The following VAT1L variants were observed in gnomAD, a reference collection of about 807,000 sequenced individuals.
The protein encoded by VAT1L is vesicle amine transport 1 like.
A neutral mutation model predicts 44.1 loss-of-function variants in VAT1L; 34 were observed. The ratio of observed to expected loss-of-function variants is 0.77; its 90% CI spans 0.59 to 1.03. The LOEUF is 1.03. VAT1L is among the 50% of genes least tolerant of loss of function. The pLI is 0.00. For missense variants in VAT1L, 615 were observed against 538.8 expected, an observed-to-expected ratio of 1.14 and a Z score of -1.40; for synonymous variants, 253 against 202.2, an observed-to-expected ratio of 1.25 and a Z score of -2.13.
At chr16:77,789,815 A>T (rs1190021919) in intron 1 of VAT1L, among the ~76,000 whole-genome samples, 1 of 152,158 alleles carries the variant, frequency 6.6e-6, no homozygotes, top group Non-Finnish European at 1.5e-5. Context: ...CCTCACGCTC[A>T]GCTGAAATTC....
intron 7 of VAT1L, among the ~76,000 whole-genome samples, chr16:77,913,937 T>C (rs2017524537): frequency 6.6e-6 from 1 of 152,188 alleles, no homozygotes; most frequent in African/African-American, 2.4e-5. Flanking sequence ...GAGGCTCTTA[T>C]TCAGCAACAA....
At chr16:77,905,894 G>A (rs1173327515) in intron 7 of VAT1L, among the ~76,000 whole-genome samples, 1 of 152,084 alleles carries the variant, frequency 6.6e-6, no homozygotes, top group Admixed American at 6.5e-5. Context: ...AGATCTAGGA[G>A]GTTTACGCTT....
chr16:77,910,418 A>G (rs1402861285), intron 7 of VAT1L, among the ~76,000 whole-genome samples: 2 of 152,168 alleles, frequency 1.3e-5, no homozygotes, highest in African/African-American at 4.8e-5. Context: ...CATGCCTGTA[A>G]TCCCAGCACT....
In VAT1L at chr16:77,884,664, C is replaced by T. The variant is rs200017287; in HGVS notation, c.939C>T (p.Ile313=). 29 of 1,613,378 alleles carry T rather than the reference C, an allele frequency of 1.8e-5. No homozygotes were observed. Among genetic ancestry groups the T allele is most frequent in the Admixed American group, 8.3e-5 (5 of 59,948 alleles). The change falls in exon 7 of 9, where the codon ATC becomes ATT. Residue 313 remains isoleucine (I), a synonymous_variant. Coordinates refer to ENST00000302536, the MANE Select transcript of VAT1L (RefSeq NM_020927.3). This position sits in a 1 kb window ranked among gnomAD's most constrained non-coding sequence, Gnocchi z 4.5. ...AGCTGTATGAGGAGAACAAAGTCAT[C>T]GCGGGGTTTTCCCTTTTAAATCTGC... ...PIKLYEENKV[I]AGFSLLNLLF... is the part of the protein sequence containing the mutation.
chr16:77,813,156 TTTTTA>T (rs2016294219), intron 1 of VAT1L, among the ~76,000 whole-genome samples: 3 of 151,938 alleles, frequency 2.0e-5, no homozygotes, highest in African/African-American at 4.8e-5. Flanking sequence ...TGCCCCTGTT[TTTTTA>T]TTTTATTTTA....
intron 1 of VAT1L, among the ~76,000 whole-genome samples, chr16:77,805,917 C>G (rs888856329): frequency 7.9e-6 from 1 of 125,968 alleles, no homozygotes; most frequent in African/African-American, 2.8e-5. Flanking sequence ...GGCTGGAGAG[C>G]AATGGTGAGA....
chr16:77,844,472 T>C (rs767630023), intron 3 of VAT1L, among the ~76,000 whole-genome samples: 2 of 152,094 alleles, frequency 1.3e-5, no homozygotes, highest in Admixed American at 1.3e-4. Context: ...GCAGTGGCGC[T>C]ATCTCAGCTC....
Position 77,823,900 on chromosome 16 carries a change from G to A in VAT1L, c.364-1346G>A, listed in dbSNP as rs1179997115. Reference sequence around the variant, plus strand: ...TAACCAGGCATTGTGATGTGTGCCTGTAATCCGAGCTACTTGGGAGGCTGA... The same window carrying A: ...TAACCAGGCATTGTGATGTGTGCCTATAATCCGAGCTACTTGGGAGGCTGA... On this transcript the variant is annotated intron_variant, in intron 2 of 8. Transcript: ENST00000302536. Among the ~76,000 whole-genome samples, 3 of 152,180 alleles carry A rather than the reference G, an allele frequency of 2.0e-5. No homozygotes were observed. In the East Asian group the frequency reaches 5.8e-4, roughly 29 times the overall value.
chr16:77,938,216 T>G (rs2017827725), intron 7 of VAT1L, among the ~76,000 whole-genome samples: 1 of 152,192 alleles, frequency 6.6e-6, no homozygotes, highest in Non-Finnish European at 1.5e-5. Context: ...ACAGATGAAC[T>G]GGAAACCACT....
chr16:77,945,278 C>CTTTTTTTTTT (rs56055464), intron 7 of VAT1L, among the ~76,000 whole-genome samples: 37,224 of 82,092 alleles, frequency 0.45, 11,728 homozygotes, highest in Middle Eastern at 0.64. Context: ...GATTGCAGAA[C>CTTTTTTTTTT]TTTTTTTTTT....
intron 6 of VAT1L, among the ~76,000 whole-genome samples, chr16:77,880,352 G>T (rs368759145): frequency 1.3e-4 from 19 of 151,948 alleles, no homozygotes; most frequent in African/African-American, 4.1e-4. Flanking sequence ...TAGAGACAAG[G>T]TTTCACCCTG....
chr16:77,843,607 C>T (rs406363), intron 3 of VAT1L, among the ~76,000 whole-genome samples: 6,274 of 152,206 alleles, frequency 0.041, 202 homozygotes, highest in Admixed American at 0.07. Context: ...TATTTTAAGC[C>T]TCAAGAGCAG....
intron 3 of VAT1L, among the ~76,000 whole-genome samples, chr16:77,842,898 C>T (rs535120794): frequency 2.2e-4 from 34 of 152,084 alleles, no homozygotes; most frequent in Non-Finnish European, 4.7e-4. Context: ...TATTTTTCCC[C>T]GTTCCATTTT....
At chr16:77,956,653 T>C (rs2018106841) in intron 7 of VAT1L, among the ~76,000 whole-genome samples, 1 of 152,200 alleles carries the variant, frequency 6.6e-6, no homozygotes, top group African/African-American at 2.4e-5. Flanking sequence ...CATTCTTAGG[T>C]TCAGAGCCTA....
chr16:77,911,125 A>C (rs914508929), intron 7 of VAT1L, among the ~76,000 whole-genome samples: 1 of 152,220 alleles, frequency 6.6e-6, no homozygotes, highest in Admixed American at 6.5e-5. Context: ...TGTACCACCC[A>C]GTAAGACCAG....
rs1029060131 is a variant in VAT1L at position 77,788,972 on chromosome 16, G to C, written c.233+57G>C. The C allele has an allele frequency of 2.3e-5, 33 of 1,428,688 alleles. No individual in the cohort carries two copies. In the African/African-American group the frequency reaches 3.2e-4, roughly 14 times the overall value. 88.5% of individuals were successfully genotyped at this position (1,428,688 alleles called of 1,614,324 possible). A position where few individuals can be genotyped will look rare whatever the true frequency, so the allele number is the denominator to read the frequency against. ...CTTTTTGCGCGCTGGGCGCTGGGGA[G>C]GGGGTGGGAAAGCTGCGGCTGGGAT... On this transcript the variant is annotated intron_variant, in intron 1 of 8. Transcript: ENST00000302536.
chr16:77,834,161 A>T (rs1046324364), intron 3 of VAT1L, among the ~76,000 whole-genome samples: 12 of 152,188 alleles, frequency 7.9e-5, no homozygotes, highest in African/African-American at 2.7e-4. Flanking sequence ...TTCTGGACAC[A>T]CACGGCTCTC....
At chr16:77,805,112 C>T (rs2016132573) in intron 1 of VAT1L, among the ~76,000 whole-genome samples, 1 of 152,156 alleles carries the variant, frequency 6.6e-6, no homozygotes, top group Non-Finnish European at 1.5e-5. Context: ...ATACCCTTTC[C>T]AGCCTCTGAT....
At chr16:77,845,731 A>G (rs2016752097) in intron 3 of VAT1L, among the ~76,000 whole-genome samples, 1 of 152,262 alleles carries the variant, frequency 6.6e-6, no homozygotes, top group African/African-American at 2.4e-5. Flanking sequence ...TGAGAGCCAG[A>G]CTAGCTCCCC....
Sources: gnomAD v4.1 joint callset for allele counts (sites outside exome capture counted in the v4.1 genomes callset) on GRCh38, gnomAD v4.1.1 for gene constraint, Gnocchi (gnomAD v3.1) non-coding constraint, MANE v1.5 for transcripts, NCBI Gene and HGNC (gene_info 2026-07-23, HGNC 2026-07-21) for gene names.